Variants in DNAI3 observed in about 807,000 individuals in gnomAD.
DNAI3 encodes dynein axonemal intermediate chain 3.
Under a neutral mutation model 115.5 loss-of-function variants are expected in DNAI3, and 83 were observed. The ratio of observed to expected loss-of-function variants is 0.72; its 90% CI spans 0.60 to 0.86. The LOEUF is 0.86. Among genes scored for constraint, DNAI3 ranks in the 40% least tolerant of loss-of-function variants. DNAI3 has a pLI of 0.00. For synonymous variants in DNAI3, 320 were observed against 347.0 expected, an observed-to-expected ratio of 0.92 and a Z score of 0.86; for missense variants, 1,004 against 1,075.8, an observed-to-expected ratio of 0.93 and a Z score of 0.93.
At chr1:85,064,133 T>G (rs1383294986) in intron 1 of DNAI3, among the ~76,000 whole-genome samples, 1 of 152,240 alleles carries the variant, frequency 6.6e-6, no homozygotes, top group African/African-American at 2.4e-5. Context: ...CTGTCTTCTT[T>G]GTAATCCCAT....
chr1:85,069,927 A>G (rs1654215982), intron 1 of DNAI3, among the ~76,000 whole-genome samples: 1 of 152,216 alleles, frequency 6.6e-6, no homozygotes, highest in Non-Finnish European at 1.5e-5. Context: ...TATCTTAAAA[A>G]TAGAAATTGT....
At chr1:85,117,640 T>A (rs817471) in intron 16 of DNAI3, 89 bp from the exon 17 acceptor site, 249,599 of 1,550,886 alleles carry the variant, frequency 0.16, 21,317 homozygotes, top group African/African-American at 0.27. Context: ...CAAATGCAGG[T>A]GGCAAGGGGC....
chr1:85,069,391 G>T (rs1654197569), intron 1 of DNAI3, among the ~76,000 whole-genome samples: 1 of 151,492 alleles, frequency 6.6e-6, no homozygotes, highest in Non-Finnish European at 1.5e-5. Flanking sequence ...TCCTTTATTT[G>T]TTTATTTGTT....
Position 85,112,397 on chromosome 1 carries a change from A to G in DNAI3, c.1786+2262A>G, listed in dbSNP as rs114135432. ...TATTACAAATAAAGCTTTTATGAACATTCATGTACAAGTCTTTGTATAGAC... is the reference window on the plus strand; with the variant it reads ...TATTACAAATAAAGCTTTTATGAACGTTCATGTACAAGTCTTTGTATAGAC... On this transcript the variant is annotated intron_variant, in intron 16 of 22. Coordinates refer to ENST00000294664, the MANE Select transcript of DNAI3 (RefSeq NM_145172.5). Among the ~76,000 whole-genome samples, 1,063 of 152,306 alleles carry G rather than the reference A, an allele frequency of 7.0e-3. 14 individuals carry two copies. The highest frequency in any genetic ancestry group is 0.024 in the African/African-American group (993 of 41,552).
chr1:85,081,528 G>A lies in DNAI3; in HGVS notation c.285+113G>A, dbSNP rs541253723. 3.0e-5 allele frequency: 29 copies of A among 972,742 alleles called. No homozygotes were observed. The Admixed American group carries it at 5.8e-4, about 19-fold the overall frequency. The allele number at this position is 972,742 out of a possible 1,614,324, so 60.3% of individuals were successfully genotyped here. On this transcript the variant is annotated intron_variant, in intron 4 of 22. Transcript: ENST00000294664. ...AATCTGGCCCCATTGCTTTGGGCAA[G>A]TGCTAGCTTGCCCACCCCTCCTTGG...
rs570846002 is a variant in DNAI3, at chr1:85,069,696, A to G, written c.-14-2232A>G. Among the ~76,000 whole-genome samples the G allele has an allele frequency of 2.7e-3, 408 of 152,260 alleles. 1 individual carries two copies. The highest frequency in any genetic ancestry group is 9.5e-3 in the African/African-American group (396 of 41,542). On this transcript the variant is annotated intron_variant, in intron 1 of 22. Coordinates refer to ENST00000294664, the MANE Select transcript of DNAI3 (RefSeq NM_145172.5). ...CGTGCCACATACTCCAGCCTGGGCGACAGAGCAAGACTCTGTCTTGGGGAA... is the reference window on the plus strand; with the variant it reads ...CGTGCCACATACTCCAGCCTGGGCGGCAGAGCAAGACTCTGTCTTGGGGAA...
chr1:85,072,954 C>CA (rs35956778), intron 2 of DNAI3, 100 bp from the exon 3 acceptor site: 9,324 of 407,882 alleles, frequency 0.023, 321 homozygotes, highest in African/African-American at 0.15. Context: ...GACTCCGTCT[C>CA]AAAAAAAAAA....
intron 4 of DNAI3, 131 bp from the exon 5 acceptor site, chr1:85,082,169 T>A (rs1043413927): frequency 1.4e-6 from 1 of 701,108 alleles, no homozygotes; most frequent in African/African-American, 1.8e-5. Context: ...TTTGGTGTTA[T>A]CAGCCATAGA....
At position 85,094,854 on chromosome 1, in the gene DNAI3, A is replaced by G. The variant is rs539756113; in HGVS notation, c.1173+299A>G. ...ACTTGAATACTAATTGGTCAAATGC[A>G]AATAGATTTTAGTTTCACATGAGTT... On this transcript the variant is annotated intron_variant, in intron 10 of 22. Transcript: ENST00000294664. Among the ~76,000 whole-genome samples the G allele has an allele frequency of 3.9e-5, 6 of 152,334 alleles. No individual in the cohort carries two copies. In the East Asian group the frequency reaches 9.6e-4, roughly 24 times the overall value.
intron 8 of DNAI3, among the ~76,000 whole-genome samples, chr1:85,092,684 T>C (rs976053345): frequency 6.6e-6 from 1 of 152,114 alleles, no homozygotes; most frequent in African/African-American, 2.4e-5. Flanking sequence ...GCAATGTTAG[T>C]ATTTTTAGCA....
At chr1:85,118,558 A>T in intron 17 of DNAI3, among the ~76,000 whole-genome samples, 1 of 152,182 alleles carries the variant, frequency 6.6e-6, no homozygotes, top group East Asian at 1.9e-4. Flanking sequence ...TCACCATGAG[A>T]AGAGGCCATA....
chr1:85,081,161 G>T, intron 3 of DNAI3, 73 bp from the exon 4 acceptor site: 1 of 1,218,182 alleles, frequency 8.2e-7, no homozygotes, highest in Non-Finnish European at 1.1e-6. Flanking sequence ...AAAACCAAGC[G>T]ATTGCATGTT....
At chr1:85,085,563 A>G (rs927150930) in intron 6 of DNAI3, among the ~76,000 whole-genome samples, 1 of 152,200 alleles carries the variant, frequency 6.6e-6, no homozygotes, top group Non-Finnish European at 1.5e-5. Flanking sequence ...GGGTTTATGT[A>G]TCCCTCCTGC....
chr1:85,123,883 AAC>A (rs1427738597), intron 18 of DNAI3, among the ~76,000 whole-genome samples: 13 of 152,360 alleles, frequency 8.5e-5, no homozygotes, highest in African/African-American at 3.1e-4. Context: ...GTAAATGAAT[AAC>A]ACAAAGTATT....
At chr1:85,095,679 C>G (rs757662751) in intron 10 of DNAI3, among the ~76,000 whole-genome samples, 2 of 152,132 alleles carry the variant, frequency 1.3e-5, no homozygotes, top group African/African-American at 2.4e-5. Context: ...TTTGTTTCCA[C>G]TGAGGGGTGG....
chr1:85,076,620 G>A (rs72720567), intron 3 of DNAI3, among the ~76,000 whole-genome samples: 2,738 of 152,296 alleles, frequency 0.018, 48 homozygotes, highest in Non-Finnish European at 0.032. Flanking sequence ...GCAAGAGAGC[G>A]TGTGTAGGAA....
chr1:85,080,842 C>T (rs899091496), intron 3 of DNAI3, among the ~76,000 whole-genome samples: 1 of 152,034 alleles, frequency 6.6e-6, no homozygotes, highest in Non-Finnish European at 1.5e-5. Flanking sequence ...TAAAATTATG[C>T]TATAGAATTC....
chr1:85,086,764 A>T (rs1384243888), intron 7 of DNAI3, among the ~76,000 whole-genome samples: 1 of 151,654 alleles, frequency 6.6e-6, no homozygotes, highest in African/African-American at 2.4e-5. Context: ...GATTACTGTA[A>T]TTCCTTCTAA....
At chr1:85,101,652 G>A (rs556243255) in intron 13 of DNAI3, among the ~76,000 whole-genome samples, 190 of 146,258 alleles carry the variant, frequency 1.3e-3, no homozygotes, top group Admixed American at 3.1e-3. Flanking sequence ...GGTGTGAACC[G>A]GAGAGGCGGA....
Sources: allele counts gnomAD v4.1 joint callset (sites outside exome capture counted in the v4.1 genomes callset), GRCh38; gene constraint gnomAD v4.1.1; transcripts MANE v1.5; gene names NCBI Gene and HGNC (gene_info 2026-07-23, HGNC 2026-07-21).